ZNF608: variants seen among roughly 807,000 people sequenced by gnomAD.
ZNF608 encodes renal carcinoma antigen NY-REN-36.
Under a neutral mutation model 109.0 loss-of-function variants are expected in ZNF608, and 12 were observed. The ratio of observed to expected loss-of-function variants is 0.11; its 90% CI spans 0.07 to 0.18. ZNF608 has a LOEUF of 0.18. Among genes scored for constraint, ZNF608 ranks in the 10% least tolerant of loss-of-function variants. The probability of loss-of-function intolerance (pLI) is 1.00; values close to 1 mark genes in which losing one functional copy is unlikely to be tolerated. For missense variants in ZNF608, 1,707 were observed against 1,879.3 expected, an observed-to-expected ratio of 0.91 and a Z score of 1.70; for synonymous variants, 732 against 717.4, an observed-to-expected ratio of 1.02 and a Z score of -0.33.
In ZNF608 at chr5:124,744,561, A is replaced by G. The variant is rs1281597516; in HGVS notation, c.429T>C (p.Pro143=). 1.9e-6 allele frequency: 3 copies of G among 1,614,164 alleles called. No homozygotes were observed. Among genetic ancestry groups the G allele is most frequent in the Non-Finnish European group, 2.5e-6 (3 of 1,180,030 alleles). Residue 143 remains proline (P), a synonymous_variant, in exon 2 of 10, where the codon CCT becomes CCC. Coordinates refer to ENST00000513986, the MANE Select transcript of ZNF608 (RefSeq NM_020747.3). The surrounding 1 kb of genome is among the most constrained non-coding windows in gnomAD (Gnocchi z 4.5). ...CTGAATTCATGCCAGTTGCCTCTCC[A>G]GGGCGCCCTTGGACTTCCTGCCTCT... ...TGKRQEVQGR[P]GEATGMNSAL... is the part of the protein sequence containing the mutation.
chr5:124,674,998 A>G (rs1751880731), intron 3 of ZNF608, among the ~76,000 whole-genome samples: 1 of 152,234 alleles, frequency 6.6e-6, no homozygotes, highest in Non-Finnish European at 1.5e-5. Flanking sequence ...AAACAACTTA[A>G]TAAGCTTTTA....
chr5:124,671,027 C>A (rs1751692894), intron 3 of ZNF608, among the ~76,000 whole-genome samples: 1 of 152,156 alleles, frequency 6.6e-6, no homozygotes, highest in Non-Finnish European at 1.5e-5. Context: ...AGCAGTGTTT[C>A]TGTTGCAATT....
At chr5:124,693,874 C>T (rs1012859359) in intron 3 of ZNF608, among the ~76,000 whole-genome samples, 12 of 151,626 alleles carry the variant, frequency 7.9e-5, no homozygotes, top group African/African-American at 1.2e-4. Context: ...CCATTCAGTA[C>T]GCCTTTGTTG....
In ZNF608 at chr5:124,744,765, A is replaced by G; in HGVS notation, c.225T>C (p.Ala75=). The change falls in exon 2 of 10, where the codon GCT becomes GCC. Residue 75 remains alanine, a synonymous_variant. Transcript: ENST00000513986. This position sits in a 1 kb window ranked among gnomAD's most constrained non-coding sequence, Gnocchi z 4.5. ...CGGPASSGAG[A]TAALADGLKF... is the part of the protein sequence containing the mutation. ...TTAGGCCATCAGCTAAGGCTGCGGTAGCACCAGCCCCACTGGAGGCCGGAC... is the reference window on the plus strand; with the variant it reads ...TTAGGCCATCAGCTAAGGCTGCGGTGGCACCAGCCCCACTGGAGGCCGGAC... 1 of 1,614,218 alleles carries G rather than the reference A, an allele frequency of 6.2e-7. No homozygotes were observed. The highest frequency in any genetic ancestry group is 2.2e-5 in the East Asian group (1 of 44,878).
chr5:124,664,594 T>C (rs542941489), intron 3 of ZNF608, among the ~76,000 whole-genome samples: 1 of 152,242 alleles, frequency 6.6e-6, no homozygotes, highest in South Asian at 2.1e-4. Flanking sequence ...GTGTGTCAGG[T>C]CCTTTTATTA....
At chr5:124,734,174 T>C (rs1749039180) in intron 2 of ZNF608, among the ~76,000 whole-genome samples, 1 of 152,180 alleles carries the variant, frequency 6.6e-6, no homozygotes, top group Admixed American at 6.5e-5. Context: ...CCAAGATGCT[T>C]GAGGACTAAA....
chr5:124,685,188 G>A (rs759616101), intron 3 of ZNF608, among the ~76,000 whole-genome samples: 39 of 152,172 alleles, frequency 2.6e-4, no homozygotes, highest in African/African-American at 8.0e-4. Context: ...AAGTTCATAC[G>A]TAATAGAATT....
intron 2 of ZNF608, among the ~76,000 whole-genome samples, chr5:124,722,561 A>C (rs1221305708): frequency 6.9e-6 from 1 of 144,232 alleles, no homozygotes; most frequent in Non-Finnish European, 1.5e-5. Flanking sequence ...TTTTTCTATA[A>C]ATAAACCCTT....
At chr5:124,729,950 A>C (rs980197601) in intron 2 of ZNF608, among the ~76,000 whole-genome samples, 3 of 152,260 alleles carry the variant, frequency 2.0e-5, no homozygotes, top group African/African-American at 7.2e-5. Flanking sequence ...TTATGCACGC[A>C]CATTCAGGCT....
At chr5:124,710,226 A>C (rs1451827282) in intron 2 of ZNF608, 1 of 456,072 alleles carries the variant, frequency 2.2e-6, no homozygotes, top group African/African-American at 2.0e-5. Flanking sequence ...AAAGGCAGGA[A>C]GAAAGGAAAG....
chr5:124,696,937 CAATACCAAACCAGACCAA>C (rs1037213754), intron 3 of ZNF608, among the ~76,000 whole-genome samples: 6 of 151,990 alleles, frequency 3.9e-5, no homozygotes, highest in Non-Finnish European at 8.8e-5. Context: ...GACAAAACAC[CAATACCAAACCAGACCAA>C]AATGCCAACC....
At chr5:124,663,411 T>G (rs1751358463) in intron 3 of ZNF608, among the ~76,000 whole-genome samples, 1 of 152,144 alleles carries the variant, frequency 6.6e-6, no homozygotes, top group South Asian at 2.1e-4. Flanking sequence ...CCACACAGCA[T>G]GCACAAAACC....
chr5:124,736,376 C>T (rs1478958018), intron 2 of ZNF608, among the ~76,000 whole-genome samples: 1 of 152,148 alleles, frequency 6.6e-6, no homozygotes, highest in African/African-American at 2.4e-5. Flanking sequence ...ATGAGCCATC[C>T]ATAAAATCAG....
rs1749175427 is a variant in ZNF608, at chr5:124,736,791, T to G, written c.906+7293A>C. Among the ~76,000 whole-genome samples the G allele has an allele frequency of 2.0e-5, 3 of 152,252 alleles. No homozygotes were observed. The South Asian group carries it at 6.2e-4, about 32-fold the overall frequency. ...ACAAACAGTGACTTCCAGGAGTTTA[T>G]GAAAGTGTGACCAATTGGAACTTTG... On this transcript the variant is annotated intron_variant, in intron 2 of 9. Coordinates refer to ENST00000513986, the MANE Select transcript of ZNF608 (RefSeq NM_020747.3).
In ZNF608 at chr5:124,713,877, A is replaced by G. The variant is rs111817694; in HGVS notation, c.907-12608T>C. ...TGTAGGAGATTTTAAAAGTAAACAT[A>G]TAGATCCATCTCTGAATGAAAAATA... is the stretch of plus-strand genomic sequence containing the variant. On this transcript the variant is annotated intron_variant, in intron 2 of 9. Transcript: ENST00000513986. 5.5e-3 allele frequency among the ~76,000 whole-genome samples: 844 copies of G among 152,306 alleles called. 8 individuals are homozygous for G. The highest frequency in any genetic ancestry group is 0.019 in the African/African-American group (794 of 41,572).
chr5:124,691,297 G>A (rs1159785974), intron 3 of ZNF608, among the ~76,000 whole-genome samples: 1 of 152,044 alleles, frequency 6.6e-6, no homozygotes, highest in Non-Finnish European at 1.5e-5. Flanking sequence ...GGTGAGGGCT[G>A]GGGGAACCCT....
intron 2 of ZNF608, among the ~76,000 whole-genome samples, chr5:124,714,583 AT>A (rs1327829047): frequency 2.0e-5 from 3 of 152,214 alleles, no homozygotes; most frequent in Non-Finnish European, 2.9e-5. Context: ...CTAAGCCTCA[AT>A]TTCCTCACCT....
At position 124,644,612 on chromosome 5, in the gene ZNF608, A is replaced by C; in HGVS notation, c.3755T>G (p.Leu1252Arg). 4 of 1,610,348 alleles carry C rather than the reference A, an allele frequency of 2.5e-6. No individual in the cohort carries two copies. The highest frequency in any genetic ancestry group is 3.4e-6 in the Non-Finnish European group (4 of 1,178,622). Residue 1252 changes from leucine (L) to arginine (R), a missense_variant, in exon 6 of 10, where the codon CTG becomes CGG. By Grantham distance (102) the Leu-to-Arg change is moderately radical. This residue lies in a region of ZNF608 where 1,073 missense variants were observed against 1,133.5 expected (regional missense o/e 0.95). Coordinates refer to ENST00000513986, the MANE Select transcript of ZNF608 (RefSeq NM_020747.3). ...AAGTTCTTCTGACTTTTGCTGATCC[A>C]GATATTTGGGCTGGTATACATAATG... ...WHHYVYQPKYLDQQKSEELDR... is the reference protein window; with the variant it reads ...WHHYVYQPKYRDQQKSEELDR...
upstream of ZNF608, among the ~76,000 whole-genome samples, chr5:124,748,264 A>C (rs1450141970): frequency 1.3e-5 from 2 of 152,182 alleles, no homozygotes; most frequent in Non-Finnish European, 2.9e-5. Flanking sequence ...AGGATATGCA[A>C]CTGTGTCACT....
Sources: gnomAD v4.1 joint callset for allele counts (sites outside exome capture counted in the v4.1 genomes callset) on GRCh38, gnomAD v4.1.1 for gene constraint, gnomAD v4.1.1 regional missense constraint, Gnocchi (gnomAD v3.1) non-coding constraint, MANE v1.5 for transcripts, NCBI Gene and HGNC (gene_info 2026-07-23, HGNC 2026-07-21) for gene names.